Variants in CAMKK2 observed in about 807,000 individuals in gnomAD.
CAMKK2 encodes the protein calcium/calmodulin-dependent protein kinase kinase 2.
Under a neutral mutation model 67.2 loss-of-function variants are expected in CAMKK2, and 30 were observed. The ratio of observed to expected loss-of-function variants is 0.45; its 90% CI spans 0.33 to 0.61. The LOEUF is 0.61. Ranked by LOEUF, CAMKK2 falls within the 20% of genes least tolerant of loss-of-function variation. The pLI is 0.02. For synonymous variants in CAMKK2, 322 were observed against 326.2 expected, an observed-to-expected ratio of 0.99 and a Z score of 0.14; for missense variants, 643 against 802.0, an observed-to-expected ratio of 0.80 and a Z score of 2.39.
At chr12:121,271,446 T>C (rs2948120) in intron 2 of CAMKK2, among the ~76,000 whole-genome samples, 9,919 of 152,200 alleles carry the variant, frequency 0.065, 1,062 homozygotes, top group African/African-American at 0.23. Flanking sequence ...TGATTTTGCT[T>C]GTTGTACTTT....
chr12:121,297,021 G>A (rs1901429991), upstream of CAMKK2: 2 of 153,150 alleles, frequency 1.3e-5, no homozygotes, highest in Admixed American at 6.5e-5. Context: ...GGCCCGGCCG[G>A]GAGGATCGGA....
chr12:121,296,238 T>C lies in CAMKK2; in HGVS notation c.-60+400A>G, dbSNP rs1901167906. Reference sequence around the variant, plus strand: ...GTGCTCCAAGTCCGCTGGTCCTCTCTTCCCCGGAACGCTCCAGATTTCCCC... The same window carrying C: ...GTGCTCCAAGTCCGCTGGTCCTCTCCTCCCCGGAACGCTCCAGATTTCCCC... On this transcript the variant is annotated intron_variant, in intron 1 of 16. Transcript: ENST00000404169. This position sits in a 1 kb window ranked among gnomAD's most constrained non-coding sequence, Gnocchi z 7.1. 6.6e-6 allele frequency among the ~76,000 whole-genome samples: 1 copy of C among 151,834 alleles called. No homozygotes were observed. The highest frequency in any genetic ancestry group is 1.5e-5 in the Non-Finnish European group (1 of 67,928).
intron 1 of CAMKK2, among the ~76,000 whole-genome samples, chr12:121,283,173 CAG>C (rs1330545980): frequency 6.6e-6 from 1 of 152,210 alleles, no homozygotes; most frequent in Non-Finnish European, 1.5e-5. Context: ...TTGGAGGCCA[CAG>C]ACTCTGAGGC....
chr12:121,272,769 GAGCTGAGGGAGGAGAAT>G (rs1444049855), intron 2 of CAMKK2, among the ~76,000 whole-genome samples: 1 of 151,266 alleles, frequency 6.6e-6, no homozygotes, highest in Non-Finnish European at 1.5e-5. Flanking sequence ...AGCTACTCAT[GAGCTGAGGGAGGAGAAT>G]AGCTTGAACC....
chr12:121,278,862 C>T (rs1013460477), intron 1 of CAMKK2, among the ~76,000 whole-genome samples: 3 of 152,224 alleles, frequency 2.0e-5, no homozygotes, highest in African/African-American at 4.8e-5. Context: ...AATGTTCCCA[C>T]GAGGACCAAT....
At chr12:121,289,699 C>G (rs1332230947) in intron 1 of CAMKK2, among the ~76,000 whole-genome samples, 3 of 152,064 alleles carry the variant, frequency 2.0e-5, no homozygotes, top group Non-Finnish European at 4.4e-5. Flanking sequence ...TCGAGACCAG[C>G]CTGGCCTACA....
intron 1 of CAMKK2, among the ~76,000 whole-genome samples, chr12:121,277,494 C>A (rs1437869570): frequency 6.6e-6 from 1 of 152,066 alleles, no homozygotes; most frequent in Non-Finnish European, 1.5e-5. Flanking sequence ...CATCAACAGA[C>A]GAATGAATAA....
chr12:121,249,888 G>C lies in CAMKK2; in HGVS notation c.1236-14C>G, dbSNP rs1300150966. On this transcript the variant is annotated splice_polypyrimidine_tract_variant and intron_variant, in intron 12 of 16. Coordinates refer to ENST00000404169, the MANE Select transcript of CAMKK2 (RefSeq NM_001270485.2). ...GCTATGTCGGGCCTGGGGATGGAGA[G>C]GCGTCAGGGTGGCAGACACGGGACC... 3.7e-6 allele frequency: 6 copies of C among 1,613,598 alleles called. No individual in the cohort carries two copies. Among genetic ancestry groups the C allele is most frequent in the African/African-American group, 2.7e-5 (2 of 74,924 alleles).
intron 5 of CAMKK2, 110 bp downstream of exon 5, chr12:121,268,527 TG>T: frequency 9.7e-7 from 1 of 1,030,818 alleles, no homozygotes; most frequent in Non-Finnish European, 1.5e-6. Context: ...CCCAAGTAGC[TG>T]GAACTACAGG....
chr12:121,264,725 G>A (rs980919885), intron 5 of CAMKK2, among the ~76,000 whole-genome samples: 15 of 151,958 alleles, frequency 9.9e-5, no homozygotes, highest in Non-Finnish European at 4.4e-5. Flanking sequence ...AGTGAGCCAA[G>A]ATAGCGCCAC....
chr12:121,270,829 C>T, intron 3 of CAMKK2, 69 bp downstream of exon 3: 1 of 1,267,772 alleles, frequency 7.9e-7, no homozygotes, highest in South Asian at 1.2e-5. Context: ...AGCTTTACCC[C>T]GTTCCCTCCA....
Position 121,240,176 on chromosome 12 carries a change from A to T in CAMKK2, c.*523T>A. The stretch of plus-strand genomic sequence containing the variant: ...GCATCAAAGCTCCCTGCAGCTACTG[A>T]GGGCCAGCCCTGCTCTGACTCCTTG... On this transcript the variant is annotated 3_prime_UTR_variant, in exon 17 of 17. Coordinates refer to ENST00000404169, the MANE Select transcript of CAMKK2 (RefSeq NM_001270485.2). The surrounding 1 kb of genome is among the most constrained non-coding windows in gnomAD (Gnocchi z 4.4). 1 of 463,028 alleles carries T rather than the reference A, an allele frequency of 2.2e-6. No homozygotes were observed. The highest frequency in any genetic ancestry group is 3.8e-6 in the Non-Finnish European group (1 of 262,894). The allele number at this position is 463,028 out of a possible 1,614,324, so 28.7% of individuals were successfully genotyped here.
intron 16 of CAMKK2, among the ~76,000 whole-genome samples, chr12:121,242,124 G>A (rs1417561958): frequency 6.6e-6 from 1 of 152,168 alleles, no homozygotes; most frequent in Non-Finnish European, 1.5e-5. Flanking sequence ...CCGAGGTCAG[G>A]AGTTCAAGAC....
chr12:121,255,344 A>ATATATAATTT lies in CAMKK2; in HGVS notation c.907+205_907+206insAAATTATATA, dbSNP rs1891973341. 9.2e-4 allele frequency among the ~76,000 whole-genome samples: 9 copies of ATATATAATTT among 9,802 alleles called. 1 individual carries two copies. Among genetic ancestry groups the ATATATAATTT allele is most frequent in the Non-Finnish European group, 1.2e-3 (6 of 5,114 alleles). 6.4% of individuals were successfully genotyped at this position (9,802 alleles called of 152,430 possible). A position where few individuals can be genotyped will look rare whatever the true frequency, so the allele number is the denominator to read the frequency against. On this transcript the variant is annotated intron_variant, in intron 9 of 16. Coordinates refer to ENST00000404169, the MANE Select transcript of CAMKK2 (RefSeq NM_001270485.2). The stretch of plus-strand genomic sequence containing the variant: ...TATATATATAATTATATATAATTTT[A>ATATATAATTT]TATATATAATTATATATATAATTTT...
Position 121,244,619 on chromosome 12 carries a change from GA to G in CAMKK2, c.1554-5del. Reference sequence around the variant, plus strand: ...ACATTCCCTGGTTGGTTTTTTGCTGGAATCACCAGAGGGAGGGAAAAGGGAA... The same window carrying G: ...ACATTCCCTGGTTGGTTTTTTGCTGGATCACCAGAGGGAGGGAAAAGGGAA... On this transcript the variant is annotated splice_region_variant and splice_polypyrimidine_tract_variant and intron_variant, in intron 15 of 16. Coordinates refer to ENST00000404169, the MANE Select transcript of CAMKK2 (RefSeq NM_001270485.2). The G allele has an allele frequency of 1.3e-6, 2 of 1,562,236 alleles. No homozygotes were observed. Among genetic ancestry groups the G allele is most frequent in the Non-Finnish European group, 1.7e-6 (2 of 1,152,634 alleles).
intron 6 of CAMKK2, among the ~76,000 whole-genome samples, chr12:121,261,150 A>C (rs1893373264): frequency 6.6e-6 from 1 of 151,420 alleles, no homozygotes. Flanking sequence ...GGCTACATCC[A>C]CCTTGATTTC....
rs1566058788 is a variant in CAMKK2 at position 121,255,280 on chromosome 12, ATATATATAATTATATATATAATTT to A, written c.907+246_907+269del. The stretch of plus-strand genomic sequence containing the variant: ...TATATAATTTTATATATATATAATT[ATATATATAATTATATATATAATTT>A]TATATATAATTTTATATATATATAA... On this transcript the variant is annotated intron_variant, in intron 9 of 16. Transcript: ENST00000404169. Among the ~76,000 whole-genome samples, 95 of 58,876 alleles carry A rather than the reference ATATATATAATTATATATATAATTT, an allele frequency of 1.6e-3. 2 individuals are homozygous for A. The highest frequency in any genetic ancestry group is 4.9e-3 in the African/African-American group (52 of 10,640). 38.6% of individuals were successfully genotyped at this position (58,876 alleles called of 152,430 possible).
At chr12:121,265,074 G>A (rs1215726889) in intron 5 of CAMKK2, among the ~76,000 whole-genome samples, 3 of 152,152 alleles carry the variant, frequency 2.0e-5, no homozygotes, top group Non-Finnish European at 4.4e-5. Flanking sequence ...AGGCTATCTA[G>A]AAAGGAGAGG....
chr12:121,252,707 T>A lies in CAMKK2; in HGVS notation c.1115A>T (p.Asp372Val). The change falls in exon 11 of 17, where the codon GAT becomes GTT. Residue 372 changes from aspartate (D) to valine (V), a missense_variant. Transcript: ENST00000404169. The part of the protein sequence containing the change: ...TRKIFSGKAL[D>V]VWAMGVTLYC... ...TAGTGTCACACCCATGGCCCAAACA[T>A]CCAAGGCCTGCAAGAAAAAGAGCTT... The A allele has an allele frequency of 6.2e-7, 1 of 1,614,078 alleles. No homozygotes were observed. The highest frequency in any genetic ancestry group is 8.5e-7 in the Non-Finnish European group (1 of 1,179,978).
Sources: gnomAD v4.1 joint callset for allele counts (sites outside exome capture counted in the v4.1 genomes callset) on GRCh38, gnomAD v4.1.1 for gene constraint, Gnocchi (gnomAD v3.1) non-coding constraint, MANE v1.5 for transcripts, NCBI Gene and HGNC (gene_info 2026-07-23, HGNC 2026-07-21) for gene names.